The following DMXL1 variants were observed in gnomAD, a reference collection of about 807,000 sequenced individuals.
The protein encoded by DMXL1 is dmX-like protein 1.
In DMXL1, 99 loss-of-function variants were observed where a neutral mutation model predicts 319.2. The ratio of observed to expected loss-of-function variants is 0.31; its 90% CI spans 0.26 to 0.37. The LOEUF (loss-of-function observed/expected upper bound fraction) is 0.37, where lower values mean the gene tolerates loss of function less well. Among genes scored for constraint, DMXL1 ranks in the 10% least tolerant of loss-of-function variants. DMXL1 has a pLI of 1.00. For synonymous variants in DMXL1, 1,385 were observed against 1,235.2 expected (o/e 1.12, Z -2.54); for missense variants, 3,745 against 3,595.6 (o/e 1.04, Z -1.06).
Position 119,178,130 on chromosome 5 carries a change from A to G in DMXL1, c.7021A>G (p.Asn2341Asp), listed in dbSNP as rs1479113709. 1 of 1,613,960 alleles carries G rather than the reference A, an allele frequency of 6.2e-7. No individual in the cohort carries two copies. Among genetic ancestry groups the G allele is most frequent in the Admixed American group, 1.7e-5 (1 of 60,008 alleles). ...FIHGLATHSS[N>D]ELFRIVAHPL... Reference sequence around the variant, plus strand: ...CCATGGCCTGGCCACACATTCAAGTAATGAGCTATTTCGGATTGTGGCCCA... The same window carrying G: ...CCATGGCCTGGCCACACATTCAAGTGATGAGCTATTTCGGATTGTGGCCCA... The change falls in exon 28 of 44, where the codon AAT (asparagine) becomes GAT (aspartate). Residue 2341 changes from asparagine (N) to aspartate (D), a missense_variant. Physicochemically the swap from Asn to Asp is conservative, Grantham distance 23. Around this residue, in one of 4 missense-constraint regions of DMXL1, gnomAD observed 1,382 missense variants for 1,269.5 expected, o/e 1.09. Coordinates refer to ENST00000539542, the MANE Select transcript of DMXL1 (RefSeq NM_001290321.3).
Position 119,156,688 on chromosome 5 carries a change from T to G in DMXL1, c.4702+4652T>G, listed in dbSNP as rs558015043. 5.1e-4 allele frequency among the ~76,000 whole-genome samples: 78 copies of G among 152,080 alleles called. 2 individuals carry two copies. In the South Asian group the frequency reaches 0.014, roughly 27 times the overall value. On this transcript the variant is annotated intron_variant, in intron 19 of 43. Transcript: ENST00000539542. ...TTTTTTTTAGTTAAAATTTCTTTTC[T>G]TTTCTTCTCTTTTAATAAAACATTG...
Position 119,148,837 on chromosome 5 carries a change from G to C in DMXL1, c.3010G>C (p.Val1004Leu), listed in dbSNP as rs1161947831. 5.0e-6 allele frequency: 8 copies of C among 1,613,764 alleles called. No homozygotes were observed. The highest frequency in any genetic ancestry group is 6.8e-6 in the Non-Finnish European group (8 of 1,179,754). Residue 1004 changes from valine to leucine, a missense_variant, in exon 18 of 44, where the codon GTA becomes CTA. By Grantham distance (32) the Val-to-Leu change is conservative. Transcript: ENST00000539542. ...GAAAGTAAGATTCTGGAGATGCAGA[G>C]TAACAGATGGAGAATCTGCCACGTC... ...DEKVRFWRCR[V>L]TDGESATSKN...
rs557638406 is a variant in DMXL1, at chr5:119,133,299, A to T, written c.1483A>T (p.Ser495Cys). 1.1e-5 allele frequency: 18 copies of T among 1,614,044 alleles called. No individual in the cohort carries two copies. Among genetic ancestry groups the T allele is most frequent in the Non-Finnish European group, 1.4e-5 (17 of 1,180,034 alleles). ...EWSKNADMLF[S>C]IHPMDGSLLV... ...GAGTAAAAATGCAGATATGCTATTT[A>T]GTATTCATCCCATGGATGGTTCTTT... The change falls in exon 11 of 44, where the codon AGT becomes TGT. Residue 495 changes from serine (S) to cysteine (C), a missense_variant. Ser to Cys is a moderately radical substitution (Grantham distance 112). Transcript: ENST00000539542.
chr5:119,209,348 A>ATTTT (rs34115254), intron 34 of DMXL1, among the ~76,000 whole-genome samples: 1 of 137,254 alleles, frequency 7.3e-6, no homozygotes, highest in African/African-American at 2.7e-5. Flanking sequence ...ATCCCATTCT[A>ATTTT]TTTTTTTTTT....
chr5:119,231,074 C>T (rs892012102), intron 38 of DMXL1, among the ~76,000 whole-genome samples: 7 of 152,144 alleles, frequency 4.6e-5, no homozygotes, highest in Admixed American at 1.3e-4. Context: ...CTAGTAGCCT[C>T]TGCATACCAA....
At chr5:119,217,973 G>T (rs1023857119) in intron 35 of DMXL1, among the ~76,000 whole-genome samples, 11 of 152,014 alleles carry the variant, frequency 7.2e-5, no homozygotes, top group African/African-American at 2.7e-4. Context: ...GCCTGCTTCA[G>T]ACAGTTCTGT....
At chr5:119,110,340 T>C in intron 5 of DMXL1, 57 bp downstream of exon 5, 1 of 1,419,696 alleles carries the variant, frequency 7.0e-7, no homozygotes, top group Non-Finnish European at 9.3e-7. Context: ...GTGGTTTTAT[T>C]ATAAATGTAT....
At chr5:119,206,326 G>A (rs542482185) in intron 33 of DMXL1, among the ~76,000 whole-genome samples, 24 of 152,098 alleles carry the variant, frequency 1.6e-4, no homozygotes, top group African/African-American at 5.5e-4. Context: ...TTTAAGAAGT[G>A]TATGTGCTTC....
intron 9 of DMXL1, among the ~76,000 whole-genome samples, chr5:119,126,313 A>G (rs2150002318): frequency 6.6e-6 from 1 of 152,290 alleles, no homozygotes; most frequent in East Asian, 1.9e-4. Flanking sequence ...ATAAAATAAA[A>G]GCATTATTGT....
chr5:119,121,010 C>T lies in DMXL1; in HGVS notation c.973C>T (p.Leu325Phe). 1 of 1,613,338 alleles carries T rather than the reference C, an allele frequency of 6.2e-7. No individual in the cohort carries two copies. The highest frequency in any genetic ancestry group is 8.5e-7 in the Non-Finnish European group (1 of 1,179,854). The part of the protein sequence containing the change: ...RHFRRGRRRS[L>F]ALVAHTGYLP... ...TTTTCGTAGAGGTCGGAGGAGATCA[C>T]TTGCTCTTGTAGCACATACGGGATA... The change falls in exon 9 of 44, where the codon CTT becomes TTT. Residue 325 changes from leucine to phenylalanine, a missense_variant. By Grantham distance (22) the Leu-to-Phe change is conservative (BLOSUM62 0). Around this residue, in one of 4 missense-constraint regions of DMXL1, gnomAD observed 2,096 missense variants for 1,985.4 expected, o/e 1.06. Transcript: ENST00000539542.
At chr5:119,211,549 GC>G (rs1345868559) in intron 34 of DMXL1, among the ~76,000 whole-genome samples, 2 of 152,166 alleles carry the variant, frequency 1.3e-5, no homozygotes, top group East Asian at 3.9e-4. Context: ...TGGTGATGCT[GC>G]CTCTCCTTCT....
chr5:119,206,967 C>G, intron 34 of DMXL1, 71 bp downstream of exon 34: 1 of 890,930 alleles, frequency 1.1e-6, no homozygotes, highest in East Asian at 2.8e-5. Flanking sequence ...TTGCATTTTA[C>G]TTTTAAACTG....
At chr5:119,233,555 C>G in intron 39 of DMXL1, 88 bp downstream of exon 39, 1 of 1,056,732 alleles carries the variant, frequency 9.5e-7, no homozygotes, top group Admixed American at 2.0e-5. Context: ...AAGAACAGCT[C>G]CGTGGGTAGT....
intron 13 of DMXL1, chr5:119,138,831 C>A (rs1402666249): frequency 6.6e-6 from 1 of 152,074 alleles, no homozygotes; most frequent in Non-Finnish European, 1.5e-5. Context: ...GAGAGAGACA[C>A]CATCTTAAGA....
chr5:119,215,586 C>T (rs1214241401), intron 34 of DMXL1, among the ~76,000 whole-genome samples: 2 of 152,064 alleles, frequency 1.3e-5, no homozygotes, highest in African/African-American at 2.4e-5. Context: ...CTCACCTCAG[C>T]CTCTCAAAGT....
At chr5:119,187,188 G>C (rs574815045) in intron 28 of DMXL1, among the ~76,000 whole-genome samples, 1 of 151,808 alleles carries the variant, frequency 6.6e-6, no homozygotes, top group Non-Finnish European at 1.5e-5. Flanking sequence ...CAGCCACTTT[G>C]TAGCCTCCCT....
At position 119,133,887 on chromosome 5, in the gene DMXL1, A is replaced by G. The variant is rs763511769; in HGVS notation, c.1963A>G (p.Thr655Ala). 7 of 1,614,150 alleles carry G rather than the reference A, an allele frequency of 4.3e-6. No individual in the cohort carries two copies. The highest frequency in any genetic ancestry group is 2.2e-5 in the South Asian group (2 of 91,082). ...CHSVLPLLLT[T>A]SHHNALRTPD... ...CTCAGTATTACCATTATTGCTGACA[A>G]CATCACACCATAATGCATTAAGGAC... The change falls in exon 12 of 44, where the codon ACA becomes GCA. Residue 655 changes from threonine to alanine, a missense_variant. Physicochemically the swap from Thr to Ala is moderately conservative, Grantham distance 58. Around this residue, in one of 4 missense-constraint regions of DMXL1, gnomAD observed 2,096 missense variants for 1,985.4 expected, o/e 1.06. Coordinates refer to ENST00000539542, the MANE Select transcript of DMXL1 (RefSeq NM_001290321.3).
chr5:119,234,170 G>A (rs189481447), intron 39 of DMXL1, among the ~76,000 whole-genome samples: 147 of 152,048 alleles, frequency 9.7e-4, no homozygotes, highest in Non-Finnish European at 6.8e-4. Flanking sequence ...TGTTCAAACT[G>A]CCCCCCTCCC....
At chr5:119,125,891 A>G (rs1013824946) in intron 9 of DMXL1, among the ~76,000 whole-genome samples, 1 of 152,222 alleles carries the variant, frequency 6.6e-6, no homozygotes, top group Non-Finnish European at 1.5e-5. Context: ...TCCAAAACAA[A>G]CAAAGGTTGC....
Sources: allele counts gnomAD v4.1 joint callset (sites outside exome capture counted in the v4.1 genomes callset), GRCh38; gene constraint gnomAD v4.1.1; regional missense constraint gnomAD v4.1.1; transcripts MANE v1.5; gene names NCBI Gene and HGNC (gene_info 2026-07-23, HGNC 2026-07-21).